Variants in ITCH observed in about 807,000 individuals in gnomAD.
ITCH encodes E3 ubiquitin-protein ligase Itchy homolog.
In ITCH, 28 loss-of-function variants were observed where a neutral mutation model predicts 126.8. The ratio of observed to expected loss-of-function variants is 0.22; its 90% confidence interval spans 0.16 to 0.30. The LOEUF (loss-of-function observed/expected upper bound fraction) is 0.30, where lower values mean the gene tolerates loss of function less well. Among genes scored for constraint, ITCH ranks in the 10% least tolerant of loss-of-function variants. The pLI is 1.00. For missense variants in ITCH, 631 were observed against 1,032.4 expected (o/e 0.61, Z 5.33); for synonymous variants, 342 against 340.0 (o/e 1.01, Z -0.06).
chr20:34,373,279 ATTTT>A, intron 2 of ITCH, among the ~76,000 whole-genome samples: 1 of 126,800 alleles, frequency 7.9e-6, no homozygotes, highest in African/African-American at 2.9e-5. Context: ...GGCCAAATGT[ATTTT>A]TTTTTTTTTT....
At chr20:34,366,370 TGCATTA>T (rs2037422389) in intron 1 of ITCH, among the ~76,000 whole-genome samples, 1 of 152,040 alleles carries the variant, frequency 6.6e-6, no homozygotes, top group Non-Finnish European at 1.5e-5. Context: ...ACAACAGGCA[TGCATTA>T]GCATGCCTGG....
intron 23 of ITCH, among the ~76,000 whole-genome samples, chr20:34,503,871 T>G (rs946814687): frequency 1.3e-4 from 12 of 88,948 alleles, no homozygotes; most frequent in Admixed American, 3.1e-4. Flanking sequence ...TTTTTTTTGG[T>G]TTTTTTTTTT....
At chr20:34,430,449 G>A (rs2146247112) in intron 7 of ITCH, among the ~76,000 whole-genome samples, 1 of 152,088 alleles carries the variant, frequency 6.6e-6, no homozygotes, top group Non-Finnish European at 1.5e-5. Flanking sequence ...GGAAAGGAAT[G>A]TCTTTTAAAA....
chr20:34,473,955 A>C (rs941002719), intron 16 of ITCH, among the ~76,000 whole-genome samples: 1 of 152,248 alleles, frequency 6.6e-6, no homozygotes, highest in Admixed American at 6.5e-5. Flanking sequence ...AAGCCAGGTT[A>C]GATCTCTGCC....
intron 2 of ITCH, among the ~76,000 whole-genome samples, chr20:34,381,103 T>A (rs1372348636): frequency 1.3e-5 from 2 of 152,066 alleles, no homozygotes; most frequent in East Asian, 3.9e-4. Flanking sequence ...TTCAACTCTT[T>A]AGAAGACATC....
At chr20:34,379,445 T>C (rs2037967688) in intron 2 of ITCH, among the ~76,000 whole-genome samples, 1 of 152,166 alleles carries the variant, frequency 6.6e-6, no homozygotes. Flanking sequence ...AACTTTTTCA[T>C]CATCCAGAAC....
intron 18 of ITCH, among the ~76,000 whole-genome samples, chr20:34,480,302 A>G (rs1045711801): frequency 6.6e-6 from 1 of 150,982 alleles, no homozygotes; most frequent in African/African-American, 2.4e-5. Flanking sequence ...GGTTCGAGCA[A>G]TTCTCCTGCC....
At chr20:34,410,498 G>A (rs952646509) in intron 4 of ITCH, among the ~76,000 whole-genome samples, 6 of 151,976 alleles carry the variant, frequency 3.9e-5, no homozygotes, top group African/African-American at 1.4e-4. Flanking sequence ...TTTAATTAAT[G>A]GCTCATTGTA....
rs866092295 is a variant in ITCH, at chr20:34,472,391, A to G, written c.1569+876A>G. ...TCAATTTAAAAAAAAAAAAAAAAAA[A>G]AAAAAACTTGAGTTAGTCTACTATT... On this transcript the variant is annotated intron_variant, in intron 16 of 24. Coordinates refer to ENST00000374864, the MANE Select transcript of ITCH (RefSeq NM_031483.7). Among the ~76,000 whole-genome samples the G allele has an allele frequency of 2.8e-3, 276 of 99,820 alleles. 1 individual carries two copies. Among genetic ancestry groups the G allele is most frequent in the South Asian group, 0.011 (35 of 3,074 alleles). 65.5% of individuals were successfully genotyped at this position (99,820 alleles called of 152,430 possible). A position where few individuals can be genotyped will look rare whatever the true frequency, so the allele number is the denominator to read the frequency against.
intron 23 of ITCH, among the ~76,000 whole-genome samples, chr20:34,503,870 G>GTTGTTTTTTTTTGTTTTTTT (rs1990433297): frequency 1.8e-5 from 1 of 56,052 alleles, no homozygotes; most frequent in Non-Finnish European, 3.8e-5. Context: ...TTTTTTTTTG[G>GTTGTTTTTTTTTGTTTTTTT]TTTTTTTTTT....
At chr20:34,461,624 G>A (rs987508873) in intron 13 of ITCH, among the ~76,000 whole-genome samples, 5 of 149,866 alleles carry the variant, frequency 3.3e-5, no homozygotes, top group African/African-American at 1.2e-4. Context: ...CAGGAGAATC[G>A]CTTGAACCTG....
rs1984318354 is a variant in ITCH at position 34,445,305 on chromosome 20, C to T, written c.984C>T (p.Asp328=). The T allele has an allele frequency of 6.3e-7, 1 of 1,575,842 alleles. No homozygotes were observed. The highest frequency in any genetic ancestry group is 8.6e-7 in the Non-Finnish European group (1 of 1,157,464). The stretch of plus-strand genomic sequence containing the variant: ...GATTTAGCTGGGAACGGCGGGTTGA[C>T]AACATGGGACGTATTTATTATGTTG... ...PLPPGWERRV[D]NMGRIYYVDH... is the part of the protein sequence containing the mutation. The change falls in exon 11 of 25, where the codon GAC becomes GAT. Residue 328 remains aspartate, a synonymous_variant. Coordinates refer to ENST00000374864, the MANE Select transcript of ITCH (RefSeq NM_031483.7).
chr20:34,378,353 A>G (rs2037924598), intron 2 of ITCH, among the ~76,000 whole-genome samples: 1 of 151,658 alleles, frequency 6.6e-6, no homozygotes, highest in African/African-American at 2.4e-5. Flanking sequence ...GCGCACCTAT[A>G]ATCCCAGATA....
chr20:34,466,081 A>G (rs574915073), intron 14 of ITCH, among the ~76,000 whole-genome samples: 1 of 152,230 alleles, frequency 6.6e-6, no homozygotes, highest in East Asian at 1.9e-4. Context: ...GTTTCCCTCT[A>G]TTCCTAGTGT....
intron 2 of ITCH, among the ~76,000 whole-genome samples, chr20:34,376,679 T>C (rs2037859238): frequency 6.6e-6 from 1 of 152,050 alleles, no homozygotes; most frequent in Admixed American, 6.6e-5. Flanking sequence ...TTTTGAAAAT[T>C]TGAGAAGAGT....
In ITCH at chr20:34,510,662, G is replaced by A. The variant is rs1978698627; in HGVS notation, c.*2868G>A. On this transcript the variant is annotated 3_prime_UTR_variant, in exon 25 of 25. Transcript: ENST00000374864. ...GCTCATAATAATGAATTCCTGCTCT[G>A]TCTTTTATTATCTTATGTCAGAGTG... is the stretch of plus-strand genomic sequence containing the variant. 6.6e-6 allele frequency: 1 copy of A among 151,894 alleles called. No homozygotes were observed. Among genetic ancestry groups the A allele is most frequent in the African/African-American group, 2.4e-5 (1 of 41,336 alleles). 9.4% of individuals were successfully genotyped at this position (151,894 alleles called of 1,614,324 possible). A position where few individuals can be genotyped will look rare whatever the true frequency, so the allele number is the denominator to read the frequency against.
In ITCH at chr20:34,384,658, C is replaced by CT. The variant is rs5841172; in HGVS notation, c.-21-9113dup. Among the ~76,000 whole-genome samples, 43 of 71,026 alleles carry CT rather than the reference C, an allele frequency of 6.1e-4. 1 individual carries two copies. Among genetic ancestry groups the CT allele is most frequent in the South Asian group, 3.2e-3 (6 of 1,866 alleles). 46.6% of individuals were successfully genotyped at this position (71,026 alleles called of 152,430 possible). Reference sequence around the variant, plus strand: ...GATGAGGCATGGTGGATATTAGGGTCTTTTTTTTTTTTTTTTTTTTGAGAC... The same window carrying CT: ...GATGAGGCATGGTGGATATTAGGGTCTTTTTTTTTTTTTTTTTTTTTGAGAC... On this transcript the variant is annotated intron_variant, in intron 2 of 24. Transcript: ENST00000374864.
At chr20:34,366,047 T>C (rs1041282519) in intron 1 of ITCH, among the ~76,000 whole-genome samples, 2 of 152,044 alleles carry the variant, frequency 1.3e-5, no homozygotes, top group African/African-American at 4.8e-5. Flanking sequence ...GAACCCACAT[T>C]GGGTCTTACA....
chr20:34,459,953 A>G (rs1034253646), intron 13 of ITCH, among the ~76,000 whole-genome samples: 2 of 152,176 alleles, frequency 1.3e-5, no homozygotes, highest in African/African-American at 4.8e-5. Context: ...TCACCTTTCT[A>G]TAATTTGCTG....
Sources: gnomAD v4.1 joint callset for allele counts (sites outside exome capture counted in the v4.1 genomes callset) on GRCh38, gnomAD v4.1.1 for gene constraint, MANE v1.5 for transcripts, NCBI Gene and HGNC (gene_info 2026-07-23, HGNC 2026-07-21) for gene names.